The following LRP1B variants were observed in gnomAD, a reference collection of about 807,000 sequenced individuals.
The protein encoded by LRP1B is LDL receptor related protein 1B.
In LRP1B, 217 loss-of-function variants were observed where a neutral mutation model predicts 556.6. The ratio of observed to expected loss-of-function variants is 0.39; its 90% CI spans 0.35 to 0.44. LRP1B has a LOEUF of 0.44. Ranked by LOEUF, LRP1B falls within the 20% of genes least tolerant of loss-of-function variation. The probability of loss-of-function intolerance (pLI) is 1.00; values close to 1 mark genes in which losing one functional copy is unlikely to be tolerated. For synonymous variants in LRP1B, 2,047 were observed against 1,865.8 expected (o/e 1.10, Z -2.50); for missense variants, 5,053 against 5,620.8 (o/e 0.90, Z 3.23).
rs531341339 is a variant in LRP1B, at chr2:140,665,432, A to C, written c.6799+34818T>G. 2.0e-5 allele frequency among the ~76,000 whole-genome samples: 3 copies of C among 152,322 alleles called. No homozygotes were observed. The South Asian group carries it at 6.2e-4, about 32-fold the overall frequency. The stretch of plus-strand genomic sequence containing the variant: ...ATAGACTCTATGAAAATAAGTAAAC[A>C]ACCATAATATTTGTAACTTCACAAC... On this transcript the variant is annotated intron_variant, in intron 41 of 90. Transcript: ENST00000389484.
intron 32 of LRP1B, among the ~76,000 whole-genome samples, chr2:140,807,986 G>A (rs1038799458): frequency 3.3e-5 from 5 of 152,164 alleles, no homozygotes; most frequent in African/African-American, 1.2e-4. Context: ...CAGCTACTGG[G>A]GAGGCTGAGG....
At chr2:141,290,770 G>A (rs1478836086) in intron 3 of LRP1B, among the ~76,000 whole-genome samples, 1 of 152,018 alleles carries the variant, frequency 6.6e-6, no homozygotes, top group Admixed American at 6.6e-5. Flanking sequence ...TTTATTTTGG[G>A]AATAAATAAA....
chr2:140,283,356 A>AGAGCTGTGTTT (rs1168780618), intron 84 of LRP1B, among the ~76,000 whole-genome samples: 5 of 151,826 alleles, frequency 3.3e-5, no homozygotes, highest in African/African-American at 1.2e-4. Flanking sequence ...TAAAGTAGGC[A>AGAGCTGTGTTT]AACATTAAAT....
Position 140,583,165 on chromosome 2 carries a change from TTTTTTC to T in LRP1B, c.7194+15460_7194+15465del, listed in dbSNP as rs1286258718. 5.5e-3 allele frequency among the ~76,000 whole-genome samples: 266 copies of T among 48,736 alleles called. 3 individuals are homozygous for T. Among genetic ancestry groups the T allele is most frequent in the Non-Finnish European group, 7.7e-3 (192 of 24,856 alleles). The allele number at this position is 48,736 out of a possible 152,430, so 32.0% of individuals were successfully genotyped here. A position where few individuals can be genotyped will look rare whatever the true frequency, so the allele number is the denominator to read the frequency against. On this transcript the variant is annotated intron_variant, in intron 43 of 90. Coordinates refer to ENST00000389484, the MANE Select transcript of LRP1B (RefSeq NM_018557.3). ...AAGTTTCTATTGACAGTTTCTCCTT[TTTTTTC>T]TTTTTTTTTTTTTTTTTTTTTTGAG...
intron 1 of LRP1B, among the ~76,000 whole-genome samples, chr2:141,958,379 G>T (rs1156261472): frequency 6.6e-6 from 1 of 151,958 alleles, no homozygotes; most frequent in African/African-American, 2.4e-5. Flanking sequence ...GAAGTCATTT[G>T]CAGTAAGCCT....
At chr2:140,279,679 A>C (rs1188720269) in intron 84 of LRP1B, among the ~76,000 whole-genome samples, 1 of 151,862 alleles carries the variant, frequency 6.6e-6, no homozygotes, top group Non-Finnish European at 1.5e-5. Flanking sequence ...AATTTAGCAA[A>C]GTATGAAGAA....
chr2:141,000,315 A>G (rs890300167), intron 15 of LRP1B, among the ~76,000 whole-genome samples: 3 of 152,092 alleles, frequency 2.0e-5, no homozygotes, highest in African/African-American at 7.2e-5. Context: ...CTTTGTTAAA[A>G]TAAACATAAA....
intron 62 of LRP1B, among the ~76,000 whole-genome samples, chr2:140,452,854 C>T (rs182965764): frequency 2.6e-5 from 4 of 151,516 alleles, no homozygotes; most frequent in African/African-American, 9.7e-5. Context: ...CTCCCAGTGG[C>T]AATACAAGAA....
chr2:141,352,373 C>T (rs1057302390), intron 3 of LRP1B, among the ~76,000 whole-genome samples: 26 of 151,734 alleles, frequency 1.7e-4, no homozygotes, highest in Non-Finnish European at 3.7e-4. Flanking sequence ...GCTATAAGTG[C>T]CTTTTTAAAA....
chr2:141,603,390 C>T (rs1177296857), intron 2 of LRP1B, among the ~76,000 whole-genome samples: 1 of 152,132 alleles, frequency 6.6e-6, no homozygotes, highest in Non-Finnish European at 1.5e-5. Flanking sequence ...TTCAGTGAAT[C>T]CTACTTTCTA....
rs761964973 is a variant in LRP1B, at chr2:141,229,190, G to C, written c.843C>G (p.Ser281=). ...TTTAATTGAAACACTTACTGTGGAA[G>C]GATTGAAGAATATTGATTGTCCATT... is the stretch of plus-strand genomic sequence containing the variant. ...TDEWTINILQ[S]FHNVQQMAID... The change falls in exon 6 of 91, where the codon TCC becomes TCG. Residue 281 remains serine (S), a synonymous_variant. Coordinates refer to ENST00000389484, the MANE Select transcript of LRP1B (RefSeq NM_018557.3). 2 of 1,612,832 alleles carry C rather than the reference G, an allele frequency of 1.2e-6. No individual in the cohort carries two copies. The highest frequency in any genetic ancestry group is 1.7e-6 in the Non-Finnish European group (2 of 1,179,314).
intron 5 of LRP1B, among the ~76,000 whole-genome samples, chr2:141,243,150 T>TA (rs899750800): frequency 5.7e-4 from 87 of 151,520 alleles, no homozygotes; most frequent in Middle Eastern, 3.4e-3. Context: ...TTTTTATTTT[T>TA]TTTTTCATAT....
At chr2:141,464,728 G>A (rs1001091028) in intron 3 of LRP1B, among the ~76,000 whole-genome samples, 5 of 150,630 alleles carry the variant, frequency 3.3e-5, no homozygotes, top group South Asian at 2.1e-4. Flanking sequence ...CCCTGCGCCC[G>A]TCCCTTTGCT....
chr2:141,025,384 G>C (rs1698189478), intron 11 of LRP1B, among the ~76,000 whole-genome samples: 1 of 152,114 alleles, frequency 6.6e-6, no homozygotes, highest in Admixed American at 6.6e-5. Context: ...AACTATGTGT[G>C]ATGGTTAATT....
chr2:141,775,841 C>A (rs1574346787), intron 2 of LRP1B, among the ~76,000 whole-genome samples: 1 of 137,996 alleles, frequency 7.2e-6, no homozygotes, highest in East Asian at 2.0e-4. Flanking sequence ...ATCAGGTTTT[C>A]CTTTTTTTTT....
chr2:141,924,958 G>T (rs750664473), intron 1 of LRP1B, among the ~76,000 whole-genome samples: 5 of 152,048 alleles, frequency 3.3e-5, no homozygotes, highest in African/African-American at 9.7e-5. Context: ...TAATTGGTTG[G>T]TATTTATTTT....
intron 17 of LRP1B, among the ~76,000 whole-genome samples, chr2:140,987,714 G>T (rs1696966699): frequency 6.6e-6 from 1 of 152,082 alleles, no homozygotes; most frequent in Non-Finnish European, 1.5e-5. Flanking sequence ...GCTTGGCATG[G>T]TGGCTCACAC....
chr2:140,799,564 C>G (rs956752735), intron 32 of LRP1B, among the ~76,000 whole-genome samples: 1 of 152,188 alleles, frequency 6.6e-6, no homozygotes, highest in Non-Finnish European at 1.5e-5. Flanking sequence ...TTCACTGTTA[C>G]AGATATTCTA....
intron 3 of LRP1B, among the ~76,000 whole-genome samples, chr2:141,432,635 A>T (rs1455417472): frequency 6.6e-6 from 1 of 151,836 alleles, no homozygotes; most frequent in Non-Finnish European, 1.5e-5. Flanking sequence ...TGTTTTCTTG[A>T]GTCAGTTTTG....
Sources: gnomAD v4.1 joint callset for allele counts (sites outside exome capture counted in the v4.1 genomes callset) on GRCh38, gnomAD v4.1.1 for gene constraint, MANE v1.5 for transcripts, NCBI Gene and HGNC (gene_info 2026-07-23, HGNC 2026-07-21) for gene names.